The following CLTRN variants were observed in gnomAD, a reference collection of about 807,000 sequenced individuals.
CLTRN encodes collectrin, amino acid transport regulator.
In CLTRN, 12 loss-of-function variants were observed where a neutral mutation model predicts 14.5. The observed-to-expected ratio is 0.83, with a 90% CI of 0.53 to 1.34. The LOEUF (loss-of-function observed/expected upper bound fraction) is 1.34. Ranked by LOEUF, CLTRN falls within the 40% of genes most tolerant of loss-of-function variation. CLTRN has a pLI of 0.00. For synonymous variants in CLTRN, 58 were observed against 56.5 expected (o/e 1.03, Z -0.12); for missense variants, 154 against 165.1 (o/e 0.93, Z 0.37).
intron 3 of CLTRN, among the ~76,000 whole-genome samples, chrX:15,653,035 G>A (rs149910143): frequency 0.051 from 5,651 of 111,171 alleles, 335 homozygotes; most frequent in African/African-American, 0.17. Flanking sequence ...GAGCCAAGAT[G>A]GCGCCACTGC....
chrX:15,641,837 C>T (rs1426935033), intron 4 of CLTRN, among the ~76,000 whole-genome samples: 3 of 111,056 alleles, frequency 2.7e-5, no homozygotes, highest in Admixed American at 9.6e-5. Flanking sequence ...GCTACGGTAC[C>T]GGACAGTCCA....
At chrX:15,630,377 AAG>A (rs1314233345) in intron 5 of CLTRN, among the ~76,000 whole-genome samples, 3 of 80,435 alleles carry the variant, frequency 3.7e-5, no homozygotes, top group Non-Finnish European at 6.6e-5. Flanking sequence ...GGAAGGAAGG[AAG>A]GAAGGAAGGA....
At chrX:15,674,902 A>C (rs1411698567) in intron 1 of CLTRN, 1 of 113,906 alleles carries the variant, frequency 8.8e-6, no homozygotes, top group Non-Finnish European at 1.9e-5. Context: ...AATGAGGACC[A>C]CAAGGTTGTA....
At chrX:15,657,016 T>A (rs955009431) in intron 3 of CLTRN, among the ~76,000 whole-genome samples, 3 of 109,606 alleles carry the variant, frequency 2.7e-5, no homozygotes, top group African/African-American at 1.0e-4. Flanking sequence ...TTTTTTTTTT[T>A]GAGACAGAGT....
At chrX:15,629,855 CT>C (rs1928650155) in intron 5 of CLTRN, among the ~76,000 whole-genome samples, 1 of 112,000 alleles carries the variant, frequency 8.9e-6, no homozygotes, top group Non-Finnish European at 1.9e-5. Flanking sequence ...CAAGTCTCTC[CT>C]GATGTGATAC....
chrX:15,652,824 T>C (rs1929253403), intron 3 of CLTRN, among the ~76,000 whole-genome samples: 1 of 111,881 alleles, frequency 8.9e-6, no homozygotes, highest in South Asian at 3.7e-4. Context: ...GGCTCACGCC[T>C]GTAATCCCAG....
chrX:15,645,046 G>GA lies in CLTRN; in HGVS notation c.204-18dup, dbSNP rs749685946. ...TGGGAAATTCTGCAGACAGTGGAAAGAAAAAATACATGAGAAGAATATCAT... is the reference window on the plus strand; with the variant it reads ...TGGGAAATTCTGCAGACAGTGGAAAGAAAAAAATACATGAGAAGAATATCAT... On this transcript the variant is annotated splice_polypyrimidine_tract_variant and intron_variant, in intron 3 of 5. Transcript: ENST00000380342. 9 of 1,036,340 alleles carry GA rather than the reference G, an allele frequency of 8.7e-6. No individual in the cohort carries two copies. The South Asian group carries it at 1.6e-4, about 19-fold the overall frequency. 85.4% of individuals were successfully genotyped at this position (1,036,340 alleles called of 1,213,427 possible). A position where few individuals can be genotyped will look rare whatever the true frequency, so the allele number is the denominator to read the frequency against.
intron 3 of CLTRN, among the ~76,000 whole-genome samples, chrX:15,648,647 C>A (rs796970839): frequency 2.4e-4 from 26 of 110,479 alleles, no homozygotes; most frequent in Non-Finnish European, 1.9e-5. Context: ...CCCATCTCTA[C>A]GAAAAATACA....
chrX:15,649,407 A>C (rs1454557328), intron 3 of CLTRN, among the ~76,000 whole-genome samples: 1 of 112,657 alleles, frequency 8.9e-6, no homozygotes, highest in Admixed American at 9.4e-5. Context: ...TTTTTGCTGA[A>C]AATAGTAAAC....
chrX:15,642,184 G>A, intron 4 of CLTRN, among the ~76,000 whole-genome samples: 1 of 111,702 alleles, frequency 9.0e-6, no homozygotes, highest in East Asian at 2.8e-4. Context: ...GCTCACTCTA[G>A]GCTTGGAATG....
chrX:15,636,720 A>G (rs1055771169), intron 5 of CLTRN, among the ~76,000 whole-genome samples: 5 of 111,854 alleles, frequency 4.5e-5, no homozygotes, highest in Non-Finnish European at 7.5e-5. Flanking sequence ...CCTCTTAATC[A>G]TAGCAATGGC....
chrX:15,659,106 A>G lies in CLTRN; in HGVS notation c.118-5T>C. On this transcript the variant is annotated splice_polypyrimidine_tract_variant and splice_region_variant and intron_variant, in intron 2 of 5. Coordinates refer to ENST00000380342, the MANE Select transcript of CLTRN (RefSeq NM_020665.6). ...TTCATTGGTATCCCAGGCATACTGAAAAAGAAGGAAAACAAAGTGTATGGG... is the reference window on the plus strand; with the variant it reads ...TTCATTGGTATCCCAGGCATACTGAGAAAGAAGGAAAACAAAGTGTATGGG... 1 of 1,101,237 alleles carries G rather than the reference A, an allele frequency of 9.1e-7. No individual in the cohort carries two copies. The allele number at this position is 1,101,237 out of a possible 1,213,427, so 90.8% of individuals were successfully genotyped here. A position where few individuals can be genotyped will look rare whatever the true frequency, so the allele number is the denominator to read the frequency against.
chrX:15,647,073 G>A (rs922314116), intron 3 of CLTRN, among the ~76,000 whole-genome samples: 31 of 112,637 alleles, frequency 2.8e-4, no homozygotes, highest in Non-Finnish European at 1.1e-4. Context: ...CTGCCCTGAC[G>A]CCTCAGGCTT....
chrX:15,661,483 C>A (rs1929506200), intron 2 of CLTRN, among the ~76,000 whole-genome samples: 1 of 112,141 alleles, frequency 8.9e-6, no homozygotes, highest in African/African-American at 3.2e-5. Context: ...TTATCTTGGG[C>A]AAGTGTGAAA....
chrX:15,648,565 C>G (rs1416143056), intron 3 of CLTRN, among the ~76,000 whole-genome samples: 1 of 111,414 alleles, frequency 9.0e-6, no homozygotes, highest in Admixed American at 9.5e-5. Flanking sequence ...GTAATCCCAG[C>G]ACTTTGGGAG....
intron 5 of CLTRN, among the ~76,000 whole-genome samples, chrX:15,634,501 C>T (rs1928770796): frequency 9.1e-6 from 1 of 109,724 alleles, no homozygotes; most frequent in Admixed American, 9.8e-5. Context: ...ATCATTATCA[C>T]TACCATCATA....
At chrX:15,635,991 C>G (rs1928809683) in intron 5 of CLTRN, among the ~76,000 whole-genome samples, 1 of 111,646 alleles carries the variant, frequency 9.0e-6, no homozygotes, top group Non-Finnish European at 1.9e-5. Flanking sequence ...ATCAAAACCA[C>G]AATGAGATAC....
chrX:15,664,185 TTC>T, intron 2 of CLTRN, 150 bp downstream of exon 2: 1 of 410,697 alleles, frequency 2.4e-6, no homozygotes, highest in Admixed American at 4.2e-5. Flanking sequence ...ATTCATATTA[TTC>T]TATAATCTAT....
At chrX:15,670,351 A>ACACACACACAC (rs751102467) in intron 1 of CLTRN, among the ~76,000 whole-genome samples, 1 of 107,500 alleles carries the variant, frequency 9.3e-6, no homozygotes, top group Non-Finnish European at 1.9e-5. Context: ...ACACACACAC[A>ACACACACACAC]AACCCCTTTG....
Sources: gnomAD v4.1 joint callset for allele counts (sites outside exome capture counted in the v4.1 genomes callset) on GRCh38, gnomAD v4.1.1 for gene constraint, MANE v1.5 for transcripts, NCBI Gene and HGNC (gene_info 2026-07-23, HGNC 2026-07-21) for gene names.